DNAH14: variants seen among roughly 807,000 people sequenced by gnomAD.
The protein encoded by DNAH14 is dynein axonemal heavy chain 14.
DNAH14 carries 478 observed loss-of-function variants against 520.9 expected under a neutral mutation model. The ratio of observed to expected loss-of-function variants is 0.92; its 90% CI spans 0.85 to 0.99. The LOEUF (loss-of-function observed/expected upper bound fraction) is 0.99. Among genes scored for constraint, DNAH14 ranks in the 50% least tolerant of loss-of-function variants. The pLI is 0.00. For missense variants in DNAH14, 4,831 were observed against 5,234.5 expected, an observed-to-expected ratio of 0.92 and a Z score of 2.38; for synonymous variants, 1,581 against 1,757.2, an observed-to-expected ratio of 0.90 and a Z score of 2.51.
chr1:225,204,945 G>A (rs1359751032), intron 39 of DNAH14, among the ~76,000 whole-genome samples: 3 of 152,150 alleles, frequency 2.0e-5, no homozygotes, highest in Admixed American at 6.5e-5. Context: ...GGGACTTTGA[G>A]GCCATTCCTA....
At chr1:225,201,690 G>A (rs994772024) in intron 38 of DNAH14, among the ~76,000 whole-genome samples, 1 of 152,148 alleles carries the variant, frequency 6.6e-6, no homozygotes, top group Non-Finnish European at 1.5e-5. Context: ...ACCGGGGGTT[G>A]TCTGCACAGA....
rs181471234 is a variant in DNAH14, at chr1:225,266,523, G to A, written c.7411-118G>A. On this transcript the variant is annotated intron_variant, in intron 48 of 85. Transcript: ENST00000682510. ...GACATGTTATTACATATGATTTTGTGCTTACTCCATAGCATAATATTCCTA... is the reference window on the plus strand; with the variant it reads ...GACATGTTATTACATATGATTTTGTACTTACTCCATAGCATAATATTCCTA... 866 of 627,786 alleles carry A rather than the reference G, an allele frequency of 1.4e-3. 7 individuals carry two copies. The African/African-American group carries it at 0.015, about 11-fold the overall frequency. The allele number at this position is 627,786 out of a possible 1,614,324, so 38.9% of individuals were successfully genotyped here.
intron 10 of DNAH14, among the ~76,000 whole-genome samples, chr1:225,014,107 G>T (rs2065024490): frequency 6.6e-6 from 1 of 152,140 alleles, no homozygotes; most frequent in South Asian, 2.1e-4. Flanking sequence ...GGAATTTCCT[G>T]GTCTGTGGGT....
intron 41 of DNAH14, among the ~76,000 whole-genome samples, chr1:225,218,510 T>C (rs1034727634): frequency 6.7e-6 from 1 of 148,802 alleles, no homozygotes; most frequent in African/African-American, 2.5e-5. Flanking sequence ...GGGGTTGCAA[T>C]CCTTGTCTCT....
At chr1:225,240,280 A>G (rs1240578310) in intron 42 of DNAH14, among the ~76,000 whole-genome samples, 1 of 150,036 alleles carries the variant, frequency 6.7e-6, no homozygotes, top group Non-Finnish European at 1.5e-5. Flanking sequence ...ATAACATACT[A>G]AACATATATT....
chr1:225,162,884 C>A (rs1459329612), intron 35 of DNAH14, among the ~76,000 whole-genome samples: 1 of 151,944 alleles, frequency 6.6e-6, no homozygotes, highest in African/African-American at 2.4e-5. Context: ...CACCTGTAAT[C>A]CCAGCACTTT....
intron 1 of DNAH14, among the ~76,000 whole-genome samples, chr1:224,951,840 A>G (rs12566886): frequency 0.055 from 8,370 of 151,490 alleles, 471 homozygotes; most frequent in East Asian, 0.24. Flanking sequence ...TTTAGTAGAG[A>G]CGGGGTTTCA....
chr1:225,274,453 C>G (rs1186711707), intron 52 of DNAH14, among the ~76,000 whole-genome samples: 1 of 152,112 alleles, frequency 6.6e-6, no homozygotes, highest in East Asian at 1.9e-4. Context: ...CTCGGCCTCC[C>G]AAAGTGCTGG....
At chr1:224,967,934 G>C in intron 6 of DNAH14, 2 of 1,187,318 alleles carry the variant, frequency 1.7e-6, no homozygotes, top group Non-Finnish European at 1.0e-6. Flanking sequence ...ACATTTGTCA[G>C]AAACTTTATT....
chr1:225,306,580 C>T lies in DNAH14; in HGVS notation c.9006-881C>T, dbSNP rs114095949. On this transcript the variant is annotated intron_variant, in intron 58 of 85. Coordinates refer to ENST00000682510, the MANE Select transcript of DNAH14 (RefSeq NM_001367479.1). ...CCCTCCCCATCATCCAGGGTTGTTGCTCTCCATTCACAGCCATGTAATCAG... is the reference window on the plus strand; with the variant it reads ...CCCTCCCCATCATCCAGGGTTGTTGTTCTCCATTCACAGCCATGTAATCAG... Among the ~76,000 whole-genome samples the T allele has an allele frequency of 4.4e-3, 666 of 152,240 alleles. 8 individuals are homozygous for T. The highest frequency in any genetic ancestry group is 0.015 in the African/African-American group (637 of 41,524).
At chr1:225,332,235 A>T (rs1217077066) in intron 65 of DNAH14, among the ~76,000 whole-genome samples, 1 of 152,160 alleles carries the variant, frequency 6.6e-6, no homozygotes, top group African/African-American at 2.4e-5. Context: ...ATTTAGTTTA[A>T]TTTTTTAAAT....
At chr1:225,002,082 A>G (rs886159841) in intron 8 of DNAH14, among the ~76,000 whole-genome samples, 2 of 152,158 alleles carry the variant, frequency 1.3e-5, no homozygotes, top group South Asian at 2.1e-4. Context: ...TATGAGCTTG[A>G]TAACCCTTAA....
At chr1:225,374,145 C>CTATATAGATATATATATATA (rs2095656135) in intron 77 of DNAH14, among the ~76,000 whole-genome samples, 1 of 33,064 alleles carries the variant, frequency 3.0e-5, no homozygotes, top group Non-Finnish European at 5.0e-5. Flanking sequence ...TTGTGTCTTA[C>CTATATAGATATATATATATA]TATATATATA....
At chr1:225,027,651 T>G (rs536611511) in intron 11 of DNAH14, among the ~76,000 whole-genome samples, 1 of 152,180 alleles carries the variant, frequency 6.6e-6, no homozygotes, top group East Asian at 1.9e-4. Flanking sequence ...CTATACACTC[T>G]TTAAAACAAC....
At chr1:225,378,326 G>A (rs540653669) in intron 79 of DNAH14, among the ~76,000 whole-genome samples, 1 of 152,052 alleles carries the variant, frequency 6.6e-6, no homozygotes, top group African/African-American at 2.4e-5. Context: ...GCAAATCTTT[G>A]CCCTCTGAAG....
chr1:225,051,604 G>T lies in DNAH14; in HGVS notation c.2233G>T (p.Ala745Ser), dbSNP rs1484263657. Residue 745 changes from alanine to serine, a missense_variant, in exon 17 of 86, where the codon GCT becomes TCT. Coordinates refer to ENST00000682510, the MANE Select transcript of DNAH14 (RefSeq NM_001367479.1). ...MGELTSKEFE[A>S]ILNRFRNYFR... ...AGAATTAACTTCAAAAGAATTTGAA[G>T]CTATTCTAAATAGATTCAGAAACTA... 1 of 1,550,636 alleles carries T rather than the reference G, an allele frequency of 6.4e-7. No homozygotes were observed. Among genetic ancestry groups the T allele is most frequent in the Non-Finnish European group, 8.7e-7 (1 of 1,146,510 alleles).
At chr1:225,330,831 A>C (rs2094780402) in intron 64 of DNAH14, among the ~76,000 whole-genome samples, 1 of 152,218 alleles carries the variant, frequency 6.6e-6, no homozygotes, top group South Asian at 2.1e-4. Flanking sequence ...ACAAAGGATA[A>C]ATGCTCGAGA....
At chr1:225,251,079 C>T (rs970170894) in intron 43 of DNAH14, among the ~76,000 whole-genome samples, 4 of 151,940 alleles carry the variant, frequency 2.6e-5, no homozygotes, top group Non-Finnish European at 4.4e-5. Flanking sequence ...GGTACTGGAC[C>T]AACTGAACAT....
intron 81 of DNAH14, among the ~76,000 whole-genome samples, chr1:225,386,764 A>G (rs2095846200): frequency 6.6e-6 from 1 of 152,248 alleles, no homozygotes; most frequent in South Asian, 2.1e-4. Context: ...AGAAATAGGA[A>G]CGCTTTTACA....
Sources: gnomAD v4.1 joint callset for allele counts (sites outside exome capture counted in the v4.1 genomes callset) on GRCh38, gnomAD v4.1.1 for gene constraint, MANE v1.5 for transcripts, NCBI Gene and HGNC (gene_info 2026-07-23, HGNC 2026-07-21) for gene names.